DTNA: variants seen among roughly 807,000 people sequenced by gnomAD.
DTNA encodes the protein dystrophin-related protein 3.
In DTNA, 43 loss-of-function variants were observed where a neutral mutation model predicts 100.7. The ratio of observed to expected loss-of-function variants is 0.43; its 90% CI spans 0.33 to 0.55. The LOEUF (loss-of-function observed/expected upper bound fraction) is 0.55, where lower values mean the gene tolerates loss of function less well. Ranked by LOEUF, DTNA falls within the 20% of genes least tolerant of loss-of-function variation. The pLI, the probability that DTNA is intolerant of heterozygous loss-of-function variation, is 0.04. For synonymous variants in DTNA, 349 were observed against 347.9 expected, an observed-to-expected ratio of 1.00 and a Z score of -0.04; for missense variants, 798 against 953.9, an observed-to-expected ratio of 0.84 and a Z score of 2.15.
intron 1 of DTNA, among the ~76,000 whole-genome samples, chr18:34,672,743 TAAAAC>T (rs2076923902): frequency 6.6e-6 from 1 of 152,140 alleles, no homozygotes; most frequent in South Asian, 2.1e-4. Context: ...TTTCAAATAT[TAAAAC>T]AAAATTATAT....
chr18:34,562,371 A>T (rs2046717083), intron 1 of DTNA, among the ~76,000 whole-genome samples: 1 of 152,218 alleles, frequency 6.6e-6, no homozygotes, highest in Non-Finnish European at 1.5e-5. Context: ...CCGTTATTTG[A>T]GTATGAACTA....
chr18:34,847,378 A>G lies in DTNA; in HGVS notation c.1347-918A>G, dbSNP rs61178141. On this transcript the variant is annotated intron_variant, in intron 13 of 22. Coordinates refer to ENST00000444659, the MANE Select transcript of DTNA (RefSeq NM_001386795.1). ...AAAAGGCAGGTTATAAATAAGTAGTAATATTATAGATGAGACTTGTATTAG... is the reference window on the plus strand; with the variant it reads ...AAAAGGCAGGTTATAAATAAGTAGTGATATTATAGATGAGACTTGTATTAG... Among the ~76,000 whole-genome samples, 658 of 152,312 alleles carry G rather than the reference A, an allele frequency of 4.3e-3. 4 individuals are homozygous for G. Among genetic ancestry groups the G allele is most frequent in the African/African-American group, 0.014 (596 of 41,554 alleles).
rs1021760008 is a variant in DTNA, at chr18:34,589,722, G to A, written c.-2+96208G>A. ...TTTGTTCTATATGCTAAATCTCTAC[G>A]CTTAACTATATAACTCTCTTTTTGT... On this transcript the variant is annotated intron_variant, in intron 1 of 19. Transcript: ENST00000283365. Among the ~76,000 whole-genome samples the A allele has an allele frequency of 8.5e-5, 13 of 152,140 alleles. No homozygotes were observed. The South Asian group carries it at 1.0e-3, about 12-fold the overall frequency.
chr18:34,841,659 A>AAAAATATG (rs1369261019), intron 13 of DTNA, among the ~76,000 whole-genome samples: 3 of 152,152 alleles, frequency 2.0e-5, no homozygotes, highest in Non-Finnish European at 4.4e-5. Context: ...TCACTGTTTA[A>AAAAATATG]AAAATATGAG....
chr18:34,552,093 A>C (rs1206978195), intron 1 of DTNA, among the ~76,000 whole-genome samples: 1 of 151,948 alleles, frequency 6.6e-6, no homozygotes, highest in Non-Finnish European at 1.5e-5. Context: ...TTCCCAAGCC[A>C]CCTTATCTCA....
intron 3 of DTNA, among the ~76,000 whole-genome samples, chr18:34,792,831 T>C (rs2094807627): frequency 6.6e-6 from 1 of 152,172 alleles, no homozygotes; most frequent in Admixed American, 6.5e-5. Flanking sequence ...TTTTTAATGA[T>C]TTTAATATTT....
chr18:34,802,062 G>A (rs1303993423), intron 4 of DTNA, among the ~76,000 whole-genome samples: 1 of 152,158 alleles, frequency 6.6e-6, no homozygotes, highest in African/African-American at 2.4e-5. Flanking sequence ...GTCTTGAGAT[G>A]GCAGTCAGAA....
intron 1 of DTNA, among the ~76,000 whole-genome samples, chr18:34,598,217 CTT>C (rs71159880): frequency 3.3e-4 from 45 of 137,852 alleles, no homozygotes; most frequent in Admixed American, 5.8e-4. Context: ...TTCTTTCTTT[CTT>C]TTTTTTTTTT....
At chr18:34,728,047 A>G (rs2087144163) in intron 1 of DTNA, among the ~76,000 whole-genome samples, 1 of 152,114 alleles carries the variant, frequency 6.6e-6, no homozygotes. Flanking sequence ...TTACTTTCCT[A>G]TGTTTTCTGA....
chr18:34,528,836 A>G (rs1292345870), intron 1 of DTNA, among the ~76,000 whole-genome samples: 1 of 152,138 alleles, frequency 6.6e-6, no homozygotes, highest in Non-Finnish European at 1.5e-5. Flanking sequence ...CCATATTTAC[A>G]TAGTTGATAC....
intron 1 of DTNA, among the ~76,000 whole-genome samples, chr18:34,657,242 T>C (rs2074518477): frequency 1.3e-5 from 2 of 152,332 alleles, no homozygotes; most frequent in African/African-American, 4.8e-5. Flanking sequence ...TGGAATCAGA[T>C]AATGTAAGGT....
Position 34,715,858 on chromosome 18 carries a change from A to G in DTNA, c.-2+5413A>G, listed in dbSNP as rs532237733. Among the ~76,000 whole-genome samples the G allele has an allele frequency of 3.3e-5, 5 of 152,336 alleles. No individual in the cohort carries two copies. In the South Asian group the frequency reaches 6.2e-4, roughly 19 times the overall value. On this transcript the variant is annotated intron_variant, in intron 1 of 22. Transcript: ENST00000444659. The stretch of plus-strand genomic sequence containing the variant: ...ATGTAATGAGGTCTCATAAATCTGT[A>G]AGAAAAAGCACTTCCCTTTTAATTT...
chr18:34,731,531 A>G (rs1175090380), intron 1 of DTNA, among the ~76,000 whole-genome samples: 1 of 152,236 alleles, frequency 6.6e-6, no homozygotes, highest in Admixed American at 6.5e-5. Context: ...AAAGGGATAT[A>G]CAATACTTTG....
At chr18:34,850,872 G>C (rs537852090) in intron 14 of DTNA, among the ~76,000 whole-genome samples, 150 of 152,196 alleles carry the variant, frequency 9.9e-4, no homozygotes, top group Non-Finnish European at 9.6e-4. Context: ...GTTTATATGA[G>C]AATGGAGAAA....
At chr18:34,795,914 G>A (rs867673832) in intron 4 of DTNA, among the ~76,000 whole-genome samples, 2 of 152,102 alleles carry the variant, frequency 1.3e-5, no homozygotes, top group African/African-American at 2.4e-5. Context: ...AGCTATGAAC[G>A]GTCTCTAAAT....
intron 4 of DTNA, among the ~76,000 whole-genome samples, chr18:34,805,033 T>A (rs1160420289): frequency 1.3e-5 from 2 of 152,172 alleles, no homozygotes; most frequent in Non-Finnish European, 2.9e-5. Flanking sequence ...GCTTTGCCAA[T>A]ACAAGCTTTA....
chr18:34,807,879 A>G (rs554981441), intron 5 of DTNA, among the ~76,000 whole-genome samples: 50 of 110,614 alleles, frequency 4.5e-4, no homozygotes, highest in Non-Finnish European at 6.4e-4. Context: ...AAAAAAAAAG[A>G]AAAAAAAAAA....
At chr18:34,498,005 G>A (rs2144489129) in intron 1 of DTNA, among the ~76,000 whole-genome samples, 1 of 152,284 alleles carries the variant, frequency 6.6e-6, no homozygotes, top group Middle Eastern at 3.4e-3. Flanking sequence ...TTAAGGCTGG[G>A]CACGGTGGCT....
chr18:34,571,482 T>C (rs2047582996), intron 1 of DTNA, among the ~76,000 whole-genome samples: 1 of 152,086 alleles, frequency 6.6e-6, no homozygotes. Flanking sequence ...GGCTCACCCC[T>C]GTAATCCCAT....
Sources: gnomAD v4.1 joint callset for allele counts (sites outside exome capture counted in the v4.1 genomes callset) on GRCh38, gnomAD v4.1.1 for gene constraint, MANE v1.5 for transcripts, NCBI Gene and HGNC (gene_info 2026-07-23, HGNC 2026-07-21) for gene names.